Variants in CDK17 observed in about 807,000 individuals in gnomAD.
CDK17 encodes the protein cyclin dependent kinase 17, also known as cyclin-dependent kinase 17.
CDK17 carries 24 observed loss-of-function variants against 77.6 expected under a neutral mutation model. The ratio of observed to expected loss-of-function variants is 0.31; its 90% CI spans 0.22 to 0.44. CDK17 has a LOEUF of 0.44. Among genes scored for constraint, CDK17 ranks in the 20% least tolerant of loss-of-function variants. The pLI, the probability that CDK17 is intolerant of heterozygous loss-of-function variation, is 1.00. For synonymous variants in CDK17, 203 were observed against 210.4 expected, an observed-to-expected ratio of 0.96 and a Z score of 0.30; for missense variants, 429 against 622.5, an observed-to-expected ratio of 0.69 and a Z score of 3.31.
rs547058245 is a variant in CDK17, at chr12:96,317,178, G to A, written c.284-3724C>T. On this transcript the variant is annotated intron_variant, in intron 3 of 16. Coordinates refer to ENST00000261211, the MANE Select transcript of CDK17 (RefSeq NM_002595.5). ...GAAGAATGCAGAAGCCTCAGGAGCC[G>A]ATGCGATCAACTGGAAGAAAGGGTA... Among the ~76,000 whole-genome samples, 301 of 150,166 alleles carry A rather than the reference G, an allele frequency of 2.0e-3. 1 individual carries two copies. The highest frequency in any genetic ancestry group is 7.1e-3 in the African/African-American group (290 of 40,966).
chr12:96,289,638 A>G (rs1341611965), intron 10 of CDK17, among the ~76,000 whole-genome samples: 1 of 152,228 alleles, frequency 6.6e-6, no homozygotes, highest in Non-Finnish European at 1.5e-5. Flanking sequence ...TTAATCCATA[A>G]TAGGCCAATG....
At chr12:96,363,244 A>C (rs1258258514) in intron 1 of CDK17, among the ~76,000 whole-genome samples, 3 of 151,850 alleles carry the variant, frequency 2.0e-5, no homozygotes, top group African/African-American at 7.3e-5. Flanking sequence ...TGAGGTCAGG[A>C]GTTCAAGACC....
rs60718626 is a variant in CDK17 at position 96,397,293 on chromosome 12, A to AT, written c.-30+2692dup. On this transcript the variant is annotated intron_variant, in intron 1 of 16. Transcript: ENST00000261211. ...CGGGCAAATAAAATTTAAATTTTCT[A>AT]TTTTTTTTTTTATTAAAGCAATGAC... Among the ~76,000 whole-genome samples, 107 of 148,092 alleles carry AT rather than the reference A, an allele frequency of 7.2e-4. 1 individual carries two copies. Among genetic ancestry groups the AT allele is most frequent in the South Asian group, 1.1e-3 (5 of 4,698 alleles).
intron 1 of CDK17, among the ~76,000 whole-genome samples, chr12:96,382,017 C>T (rs1005662891): frequency 6.6e-5 from 10 of 151,996 alleles, no homozygotes; most frequent in African/African-American, 2.4e-4. Flanking sequence ...GCACATTATT[C>T]GTGGTACTGG....
At chr12:96,391,481 G>C (rs1317953566) in intron 1 of CDK17, among the ~76,000 whole-genome samples, 1 of 136,786 alleles carries the variant, frequency 7.3e-6, no homozygotes. Flanking sequence ...AGTAGAGATG[G>C]GGTTTCGCCA....
chr12:96,319,110 AG>A (rs1952776063), intron 3 of CDK17, among the ~76,000 whole-genome samples: 1 of 147,536 alleles, frequency 6.8e-6, no homozygotes. Context: ...AAAATGATAA[AG>A]GGGATATCAC....
intron 1 of CDK17, among the ~76,000 whole-genome samples, chr12:96,338,329 T>G (rs1471751594): frequency 6.6e-6 from 1 of 152,232 alleles, no homozygotes; most frequent in Non-Finnish European, 1.5e-5. Flanking sequence ...TTGATTTTCA[T>G]CTGCATCTTT....
intron 1 of CDK17, among the ~76,000 whole-genome samples, chr12:96,346,489 G>A (rs192739642): frequency 2.6e-5 from 4 of 151,724 alleles, no homozygotes; most frequent in South Asian, 2.1e-4. Flanking sequence ...TTAGCCAGGC[G>A]TAGTGGCGTG....
chr12:96,296,463 C>T (rs947642986), intron 9 of CDK17, among the ~76,000 whole-genome samples: 3 of 152,204 alleles, frequency 2.0e-5, no homozygotes, highest in African/African-American at 7.2e-5. Flanking sequence ...AACTGGCTCT[C>T]CTTTATAACC....
intron 7 of CDK17, 28 bp downstream of exon 7, chr12:96,298,841 T>C: frequency 8.1e-7 from 1 of 1,230,586 alleles, no homozygotes; most frequent in Non-Finnish European, 1.2e-6. Context: ...CCACTTTGAT[T>C]TTAAAATGTT....
At chr12:96,312,987 A>C (rs1351956615) in intron 4 of CDK17, among the ~76,000 whole-genome samples, 18 of 152,356 alleles carry the variant, frequency 1.2e-4, no homozygotes, top group Non-Finnish European at 1.5e-5. Context: ...TCTAAAAAGA[A>C]GACATTGCTA....
intron 2 of CDK17, 64 bp from the exon 3 acceptor site, chr12:96,324,176 G>A: frequency 7.4e-7 from 1 of 1,350,376 alleles, no homozygotes; most frequent in Non-Finnish European, 9.9e-7. Flanking sequence ...CACATGAGAA[G>A]GATTCAGAAA....
chr12:96,350,270 T>G (rs1953290196), intron 1 of CDK17, among the ~76,000 whole-genome samples: 1 of 151,862 alleles, frequency 6.6e-6, no homozygotes, highest in African/African-American at 2.4e-5. Context: ...GGTCTAAAAT[T>G]TGTTCCGGTT....
In CDK17 at chr12:96,282,100, T is replaced by G. The variant is rs573359318; in HGVS notation, c.1456+409A>C. 2.5e-4 allele frequency: 39 copies of G among 155,886 alleles called. No homozygotes were observed. The South Asian group carries it at 7.6e-3, about 30-fold the overall frequency. The allele number at this position is 155,886 out of a possible 1,614,324, so 9.7% of individuals were successfully genotyped here. On this transcript the variant is annotated intron_variant, in intron 15 of 16. Transcript: ENST00000261211. ...ACAATAAAGGAAAATCATCTTTGTA[T>G]CTTAAGAAAAAATGTATTTTCACAA...
At chr12:96,309,956 T>C (rs965621607) in intron 5 of CDK17, among the ~76,000 whole-genome samples, 4 of 152,222 alleles carry the variant, frequency 2.6e-5, no homozygotes, top group African/African-American at 9.6e-5. Flanking sequence ...CAGAATATAA[T>C]GCAACAATTC....
At chr12:96,342,779 C>T (rs1953141107) in intron 1 of CDK17, among the ~76,000 whole-genome samples, 1 of 152,010 alleles carries the variant, frequency 6.6e-6, no homozygotes, top group African/African-American at 2.4e-5. Flanking sequence ...GCCTGATCAA[C>T]ATGGAGAAAC....
At chr12:96,362,583 C>T (rs78205722) in intron 1 of CDK17, among the ~76,000 whole-genome samples, 1 of 145,744 alleles carries the variant, frequency 6.9e-6, no homozygotes, top group Non-Finnish European at 1.6e-5. Context: ...CTCTAATATC[C>T]TATCTGTAAA....
chr12:96,367,344 CAAAAAAAAAAAAAAAAA>C (rs56689330), intron 1 of CDK17, among the ~76,000 whole-genome samples: 4 of 63,484 alleles, frequency 6.3e-5, no homozygotes, highest in African/African-American at 2.0e-4. Flanking sequence ...GACTCCACCT[CAAAAAAAAAAAAAAAAA>C]AAAAAAAAAA....
chr12:96,384,901 G>A (rs550253533), intron 1 of CDK17, among the ~76,000 whole-genome samples: 4 of 150,994 alleles, frequency 2.6e-5, no homozygotes, highest in East Asian at 2.0e-4. Flanking sequence ...TCCCAGCTAC[G>A]TGGAAGGCTG....
Sources: allele counts gnomAD v4.1 joint callset (sites outside exome capture counted in the v4.1 genomes callset), GRCh38; gene constraint gnomAD v4.1.1; transcripts MANE v1.5; gene names NCBI Gene and HGNC (gene_info 2026-07-23, HGNC 2026-07-21).